HIVEP3: variants seen among roughly 807,000 people sequenced by gnomAD.
HIVEP3 encodes HIVEP zinc finger 3, also known as transcription factor HIVEP3.
HIVEP3 carries 49 observed loss-of-function variants against 152.8 expected under a neutral mutation model. The observed-to-expected ratio is 0.32, with a 90% CI of 0.26 to 0.41. HIVEP3 has a LOEUF of 0.41. HIVEP3 is among the 10% of genes least tolerant of loss of function. The pLI, the probability that HIVEP3 is intolerant of heterozygous loss-of-function variation, is 1.00. For missense variants in HIVEP3, 2,790 were observed against 3,103.3 expected (o/e 0.90, Z 2.40); for synonymous variants, 1,269 against 1,289.0 (o/e 0.98, Z 0.33).
chr1:41,602,442 T>G (rs1369912664), intron 3 of HIVEP3, among the ~76,000 whole-genome samples: 1 of 151,706 alleles, frequency 6.6e-6, no homozygotes, highest in Non-Finnish European at 1.5e-5. Flanking sequence ...TAGGTCTGTT[T>G]AGACTTTATA....
rs1247742633 is a variant in HIVEP3 at position 41,580,457 on chromosome 1, T to G, written c.4341A>C (p.Gln1447His). ...AAGCCTCCTCCTCCTTCACTCTTTT[T>G]TGCTGCTGGGTTTCCATGGTAAGTT... ...SLELTMETQQ[Q>H]KRVKEEEASK... The change falls in exon 4 of 9, where the codon CAA (glutamine) becomes CAC (histidine). Residue 1447 changes from glutamine to histidine, a missense_variant. Physicochemically the swap from Gln to His is conservative, Grantham distance 24. Around this residue, in one of 9 missense-constraint regions of HIVEP3, gnomAD observed 1,078 missense variants for 1,165.3 expected, o/e 0.93. Coordinates refer to ENST00000372583, the MANE Select transcript of HIVEP3 (RefSeq NM_024503.5). The G allele has an allele frequency of 6.2e-7, 1 of 1,614,204 alleles. No homozygotes were observed. Among genetic ancestry groups the G allele is most frequent in the Non-Finnish European group, 8.5e-7 (1 of 1,180,036 alleles).
At chr1:41,845,701 T>C (rs980927551) in intron 1 of HIVEP3, among the ~76,000 whole-genome samples, 3 of 152,190 alleles carry the variant, frequency 2.0e-5, no homozygotes, top group Non-Finnish European at 4.4e-5. Flanking sequence ...AACTTTTCAC[T>C]CTATATGCTT....
At chr1:41,986,880 A>G (rs946108958) in intron 1 of HIVEP3, among the ~76,000 whole-genome samples, 5 of 152,250 alleles carry the variant, frequency 3.3e-5, no homozygotes, top group African/African-American at 1.2e-4. Context: ...AATATGAGTT[A>G]GTATTGGAGA....
intron 1 of HIVEP3, among the ~76,000 whole-genome samples, chr1:41,787,055 A>C (rs950622282): frequency 1.2e-4 from 18 of 152,174 alleles, no homozygotes; most frequent in African/African-American, 2.2e-4. Flanking sequence ...CCCGGCCTAC[A>C]TATGTAATTT....
chr1:41,624,033 C>T (rs1297650053), intron 3 of HIVEP3, among the ~76,000 whole-genome samples: 1 of 152,202 alleles, frequency 6.6e-6, no homozygotes, highest in Non-Finnish European at 1.5e-5. Flanking sequence ...TGAGTTTGCT[C>T]ATCAACAACT....
In HIVEP3 at chr1:42,019,432, T is replaced by C. The variant is rs1028090663; in HGVS notation, n.119+16375A>G. Among the ~76,000 whole-genome samples the C allele has an allele frequency of 3.9e-5, 6 of 152,180 alleles. 1 individual carries two copies. Among genetic ancestry groups the C allele is most frequent in the Admixed American group, 3.3e-4 (5 of 15,276 alleles). ...AATTTCTCTCAGTATGTCTTCTTGT[T>C]TTCAATGTAGAAATCTTACATCTCT... On this transcript the variant is annotated intron_variant and non_coding_transcript_variant, in intron 1 of 3. Transcript: ENST00000489103.
intron 1 of HIVEP3, among the ~76,000 whole-genome samples, chr1:41,985,412 T>G (rs1333755130): frequency 6.6e-6 from 1 of 152,158 alleles, no homozygotes; most frequent in Non-Finnish European, 1.5e-5. Context: ...AAGATCAAGG[T>G]GCTGGCAGAT....
Position 41,582,764 on chromosome 1 carries a change from G to T in HIVEP3, c.2034C>A (p.Gly678=), listed in dbSNP as rs367639499. 83 of 1,614,082 alleles carry T rather than the reference G, an allele frequency of 5.1e-5. 1 individual carries two copies. The highest frequency in any genetic ancestry group is 3.3e-5 in the Admixed American group (2 of 60,008). ...TTTCAGCTTCTGGAGATGTGTGGGT[G>T]CCTGCAGAGATGGGCTTTGCGATCT... The part of the protein sequence containing the change: ...ELQIAKPISA[G]THTSPEAEKS... The change falls in exon 4 of 9, where the codon GGC becomes GGA. Residue 678 remains glycine (G), a synonymous_variant. Coordinates refer to ENST00000372583, the MANE Select transcript of HIVEP3 (RefSeq NM_024503.5). This position sits in a 1 kb window ranked among gnomAD's most constrained non-coding sequence, Gnocchi z 4.7.
chr1:41,655,582 CAAAAAAAAAAA>C (rs55918119), intron 2 of HIVEP3, among the ~76,000 whole-genome samples: 2 of 57,434 alleles, frequency 3.5e-5, no homozygotes, highest in East Asian at 3.9e-4. Context: ...CACTCCATCT[CAAAAAAAAAAA>C]AAAAAAAAAA....
intron 1 of HIVEP3, among the ~76,000 whole-genome samples, chr1:41,739,973 C>T (rs1160017679): frequency 6.6e-6 from 1 of 152,226 alleles, no homozygotes; most frequent in Non-Finnish European, 1.5e-5. Context: ...CTTTCCTACC[C>T]ACAACCACGG....
At chr1:41,541,996 T>C (rs998113086) in intron 5 of HIVEP3, 2 of 152,278 alleles carry the variant, frequency 1.3e-5, no homozygotes, top group African/African-American at 2.4e-5. Context: ...ATAGGTTATG[T>C]GCTTGGAAGA....
At chr1:41,903,467 G>A (rs1278432470) in intron 1 of HIVEP3, among the ~76,000 whole-genome samples, 1 of 152,252 alleles carries the variant, frequency 6.6e-6, no homozygotes, top group African/African-American at 2.4e-5. Flanking sequence ...GATGAATGCA[G>A]TGAGCACTGA....
At chr1:41,964,720 C>T (rs998690803) in intron 1 of HIVEP3, among the ~76,000 whole-genome samples, 16 of 152,206 alleles carry the variant, frequency 1.1e-4, no homozygotes, top group African/African-American at 2.7e-4. Context: ...GCCAGAATGT[C>T]GGCAATTCCA....
chr1:41,670,560 A>G (rs1645859649), intron 2 of HIVEP3, among the ~76,000 whole-genome samples: 1 of 152,260 alleles, frequency 6.6e-6, no homozygotes, highest in Non-Finnish European at 1.5e-5. Flanking sequence ...GGAAAGAGAC[A>G]GACAGTAAAC....
intron 6 of HIVEP3, among the ~76,000 whole-genome samples, chr1:41,523,149 G>A (rs980621258): frequency 6.6e-6 from 1 of 152,230 alleles, no homozygotes; most frequent in Non-Finnish European, 1.5e-5. Context: ...AGTTATCCCC[G>A]TCTTGCTCTT....
intron 3 of HIVEP3, among the ~76,000 whole-genome samples, chr1:41,622,889 G>A (rs1474536266): frequency 6.6e-6 from 1 of 152,234 alleles, no homozygotes; most frequent in Admixed American, 6.5e-5. Flanking sequence ...GTTGCTATGT[G>A]CCCACACTGG....
At chr1:41,765,753 A>G (rs1281036000) in intron 1 of HIVEP3, among the ~76,000 whole-genome samples, 1 of 152,138 alleles carries the variant, frequency 6.6e-6, no homozygotes, top group East Asian at 1.9e-4. Flanking sequence ...TAGGTGCTCA[A>G]TAATGTCACC....
chr1:41,521,559 G>A (rs558823947), intron 6 of HIVEP3, among the ~76,000 whole-genome samples: 4 of 152,300 alleles, frequency 2.6e-5, no homozygotes, highest in African/African-American at 9.6e-5. Context: ...TGGGGCACAC[G>A]GCTGCAGGCA....
intron 1 of HIVEP3, among the ~76,000 whole-genome samples, chr1:41,998,436 A>G (rs1645407527): frequency 6.6e-6 from 1 of 152,102 alleles, no homozygotes; most frequent in South Asian, 2.1e-4. Flanking sequence ...AAGCAAAATG[A>G]TGTCATGTCA....
Sources: gnomAD v4.1 joint callset for allele counts (sites outside exome capture counted in the v4.1 genomes callset) on GRCh38, gnomAD v4.1.1 for gene constraint, gnomAD v4.1.1 regional missense constraint, Gnocchi (gnomAD v3.1) non-coding constraint, MANE v1.5 for transcripts, NCBI Gene and HGNC (gene_info 2026-07-23, HGNC 2026-07-21) for gene names.